Variants in DLG2 observed in about 807,000 individuals in gnomAD.
The protein encoded by DLG2 is discs large MAGUK scaffold protein 2, also known as disks large homolog 2.
Under a neutral mutation model 132.5 loss-of-function variants are expected in DLG2, and 45 were observed. That is an observed-to-expected ratio of 0.34 (90% confidence interval 0.27 to 0.44). The LOEUF is 0.44. Among genes scored for constraint, DLG2 ranks in the 20% least tolerant of loss-of-function variants. The pLI, the probability that DLG2 is intolerant of heterozygous loss-of-function variation, is 1.00. For synonymous variants in DLG2, 424 were observed against 419.6 expected (o/e 1.01, Z -0.13); for missense variants, 1,045 against 1,196.9 (o/e 0.87, Z 1.87).
chr11:83,585,948 A>T (rs2097077777), intron 19 of DLG2, among the ~76,000 whole-genome samples: 1 of 152,248 alleles, frequency 6.6e-6, no homozygotes, highest in Non-Finnish European at 1.5e-5. Flanking sequence ...AGAAATGAGA[A>T]AATGTCAAGA....
chr11:83,740,196 A>G (rs1343550134), intron 18 of DLG2, among the ~76,000 whole-genome samples: 2 of 152,214 alleles, frequency 1.3e-5, no homozygotes, highest in South Asian at 2.1e-4. Context: ...TCCAAAGGAC[A>G]TGCACAAAAA....
chr11:84,100,302 A>C (rs895874933), intron 9 of DLG2, among the ~76,000 whole-genome samples: 7 of 135,442 alleles, frequency 5.2e-5, no homozygotes, highest in African/African-American at 2.7e-5. Flanking sequence ...AGATATATAT[A>C]TAAAGGATAT....
intron 18 of DLG2, chr11:83,725,157 C>T: frequency 2.2e-6 from 1 of 454,604 alleles, no homozygotes; most frequent in East Asian, 3.3e-5. Context: ...CAGATGTTGG[C>T]TATCTCACTC....
intron 8 of DLG2, among the ~76,000 whole-genome samples, chr11:84,194,951 T>C (rs2096487610): frequency 1.3e-5 from 2 of 152,078 alleles, no homozygotes; most frequent in Admixed American, 1.3e-4. Flanking sequence ...CAGCCTCGGT[T>C]CTCACTCGCA....
chr11:84,163,671 T>C (rs1355838536), intron 8 of DLG2, among the ~76,000 whole-genome samples, 160 bp from the exon 9 acceptor site: 3 of 152,152 alleles, frequency 2.0e-5, no homozygotes, highest in Non-Finnish European at 4.4e-5. Flanking sequence ...AAGTGAAACA[T>C]AATCTATGCT....
At chr11:84,074,201 C>T (rs556669950) in intron 10 of DLG2, among the ~76,000 whole-genome samples, 1 of 152,298 alleles carries the variant, frequency 6.6e-6, no homozygotes, top group African/African-American at 2.4e-5. Flanking sequence ...AATCTTGCCT[C>T]TAATTTTCCA....
rs370279509 is a variant in DLG2 at position 85,069,110 on chromosome 11, T to C, written c.357+42551A>G. Among the ~76,000 whole-genome samples, 43 of 151,712 alleles carry C rather than the reference T, an allele frequency of 2.8e-4. No individual in the cohort carries two copies. In the East Asian group the frequency reaches 4.6e-3, roughly 16 times the overall value. Reference sequence around the variant, plus strand: ...AACTGGCTAGCCATATGGAGAAAGCTGAAACTGGATCCCCTCCTTACACTT... The same window carrying C: ...AACTGGCTAGCCATATGGAGAAAGCCGAAACTGGATCCCCTCCTTACACTT... On this transcript the variant is annotated intron_variant, in intron 6 of 27. Coordinates refer to ENST00000376104, the MANE Select transcript of DLG2 (RefSeq NM_001142699.3).
At chr11:83,869,294 A>C (rs1203868553) in intron 16 of DLG2, among the ~76,000 whole-genome samples, 1 of 152,174 alleles carries the variant, frequency 6.6e-6, no homozygotes, top group Non-Finnish European at 1.5e-5. Context: ...AATCTGAAGC[A>C]CATTAGCTTT....
At chr11:85,598,942 T>C (rs1189989960) in intron 2 of DLG2, among the ~76,000 whole-genome samples, 154 bp from the exon 3 acceptor site, 6 of 152,200 alleles carry the variant, frequency 3.9e-5, no homozygotes, top group Non-Finnish European at 8.8e-5. Flanking sequence ...AAAATAATTA[T>C]ACTCAATGGC....
At chr11:84,222,455 T>C (rs1379117551) in intron 8 of DLG2, among the ~76,000 whole-genome samples, 3 of 152,214 alleles carry the variant, frequency 2.0e-5, no homozygotes, top group Non-Finnish European at 2.9e-5. Flanking sequence ...GATTCATAAA[T>C]AAGGCATATG....
intron 3 of DLG2, among the ~76,000 whole-genome samples, chr11:85,364,041 G>A (rs1488855112): frequency 1.3e-5 from 2 of 152,098 alleles, no homozygotes; most frequent in Admixed American, 1.3e-4. Context: ...ATTAGCAGTT[G>A]GTGCTGAAGA....
At chr11:83,512,523 T>TTTTA (rs912947998) in intron 21 of DLG2, among the ~76,000 whole-genome samples, 54 of 152,168 alleles carry the variant, frequency 3.5e-4, no homozygotes, top group Middle Eastern at 3.4e-3. Context: ...TATTGCATCA[T>TTTTA]TTTATTTATT....
intron 6 of DLG2, among the ~76,000 whole-genome samples, chr11:84,662,166 T>A (rs1402667935): frequency 1.3e-5 from 2 of 151,764 alleles, no homozygotes; most frequent in African/African-American, 4.8e-5. Flanking sequence ...TCATCAGTAC[T>A]TAGAGTCAGT....
intron 7 of DLG2, among the ~76,000 whole-genome samples, chr11:84,351,124 G>C (rs1227047283): frequency 1.3e-5 from 2 of 149,638 alleles, no homozygotes; most frequent in African/African-American, 5.1e-5. Flanking sequence ...TGTTTCTCCA[G>C]ATGAAAAAAA....
intron 11 of DLG2, among the ~76,000 whole-genome samples, chr11:83,994,614 C>T (rs1359916981): frequency 6.6e-6 from 1 of 152,080 alleles, no homozygotes. Context: ...CTTTAACAAA[C>T]CATGCAAGAA....
chr11:83,613,916 T>C (rs1476954196), intron 19 of DLG2, among the ~76,000 whole-genome samples: 1 of 152,020 alleles, frequency 6.6e-6, no homozygotes, highest in African/African-American at 2.4e-5. Flanking sequence ...TGGGCTGGGG[T>C]GAGACATCAA....
chr11:84,234,201 T>C (rs992498453), intron 8 of DLG2, among the ~76,000 whole-genome samples: 1 of 152,022 alleles, frequency 6.6e-6, no homozygotes, highest in African/African-American at 2.4e-5. Context: ...CAACAACATA[T>C]AAAACCCCAA....
chr11:84,473,424 A>G (rs1364561698), intron 7 of DLG2, among the ~76,000 whole-genome samples: 3 of 152,004 alleles, frequency 2.0e-5, no homozygotes, highest in African/African-American at 4.8e-5. Flanking sequence ...TTCTTAAGAC[A>G]TTGTTCCTGG....
intron 7 of DLG2, among the ~76,000 whole-genome samples, chr11:84,400,822 T>G (rs745495028): frequency 2.5e-4 from 38 of 152,304 alleles, no homozygotes; most frequent in Admixed American, 5.9e-4. Context: ...TGTGTATTTT[T>G]TTCTAAATAA....
Sources: allele counts gnomAD v4.1 joint callset (sites outside exome capture counted in the v4.1 genomes callset), GRCh38; gene constraint gnomAD v4.1.1; transcripts MANE v1.5; gene names NCBI Gene and HGNC (gene_info 2026-07-23, HGNC 2026-07-21).